Variants in HDAC9 observed in about 807,000 individuals in gnomAD.
HDAC9 encodes MEF-2 interacting transcription repressor (MITR) protein.
HDAC9 carries 41 observed loss-of-function variants against 139.4 expected under a neutral mutation model. That is an observed-to-expected ratio of 0.29 (90% CI 0.23 to 0.38). The LOEUF (loss-of-function observed/expected upper bound fraction) is 0.38, where lower values mean the gene tolerates loss of function less well. Among genes scored for constraint, HDAC9 ranks in the 10% least tolerant of loss-of-function variants. The pLI is 1.00. For missense variants in HDAC9, 1,147 were observed against 1,297.0 expected, an observed-to-expected ratio of 0.88 and a Z score of 1.78; for synonymous variants, 517 against 476.2, an observed-to-expected ratio of 1.09 and a Z score of -1.12.
chr7:18,412,238 T>C (rs932977718), intron 1 of HDAC9, among the ~76,000 whole-genome samples: 2 of 152,168 alleles, frequency 1.3e-5, no homozygotes, highest in African/African-American at 4.8e-5. Context: ...GGAGAAAATG[T>C]TATTTAAGAA....
chr7:18,467,163 T>G lies in HDAC9; in HGVS notation c.-41-29099T>G, dbSNP rs558616588. 2.0e-5 allele frequency among the ~76,000 whole-genome samples: 3 copies of G among 152,184 alleles called. No homozygotes were observed. The South Asian group carries it at 6.2e-4, about 32-fold the overall frequency. On this transcript the variant is annotated intron_variant, in intron 1 of 3. Coordinates refer to the HDAC9 transcript ENST00000413509. ...AATATCTCACCGTCTTCTTCCCTAC[T>G]CACACATTCCAAACTTACTGATCTT...
intron 2 of HDAC9, among the ~76,000 whole-genome samples, chr7:18,181,942 T>G (rs1789469489): frequency 6.6e-6 from 1 of 152,166 alleles, no homozygotes; most frequent in East Asian, 1.9e-4. Flanking sequence ...TGAGATCACA[T>G]CTGGCTCAAG....
At chr7:18,359,816 G>T (rs1585361715) in intron 1 of HDAC9, among the ~76,000 whole-genome samples, 1 of 152,082 alleles carries the variant, frequency 6.6e-6, no homozygotes, top group Non-Finnish European at 1.5e-5. Context: ...ACCATGTTGG[G>T]CAGGGTAGTC....
chr7:18,951,901 C>T (rs939980330), intron 23 of HDAC9, among the ~76,000 whole-genome samples: 3 of 151,658 alleles, frequency 2.0e-5, no homozygotes, highest in African/African-American at 7.3e-5. Flanking sequence ...TCTGTGGTCC[C>T]GCCATACAAG....
chr7:18,559,339 A>G (rs1035714081), intron 2 of HDAC9, among the ~76,000 whole-genome samples: 22 of 152,268 alleles, frequency 1.4e-4, no homozygotes, highest in South Asian at 4.2e-4. Context: ...AAGTGTGTTC[A>G]ATCACCTTCT....
intron 2 of HDAC9, among the ~76,000 whole-genome samples, chr7:18,166,487 C>A (rs1288492964): frequency 6.6e-6 from 1 of 152,176 alleles, no homozygotes; most frequent in Non-Finnish European, 1.5e-5. Flanking sequence ...TGCTAAACAG[C>A]TGAATTCCCC....
At chr7:18,901,121 AT>A (rs1406040932) in intron 22 of HDAC9, among the ~76,000 whole-genome samples, 2 of 151,404 alleles carry the variant, frequency 1.3e-5, no homozygotes, top group Admixed American at 1.3e-4. Flanking sequence ...TACTACAGAG[AT>A]TCCCAAAAAG....
chr7:18,851,389 C>G (rs187030814), intron 21 of HDAC9: 5 of 152,390 alleles, frequency 3.3e-5, no homozygotes, highest in African/African-American at 1.2e-4. Context: ...TCCTCCTTTG[C>G]TCTCTGTGTC....
At chr7:18,389,629 G>A (rs1208795148) in intron 1 of HDAC9, among the ~76,000 whole-genome samples, 1 of 152,160 alleles carries the variant, frequency 6.6e-6, no homozygotes, top group African/African-American at 2.4e-5. Context: ...AAACATTAGT[G>A]GCTGGCTTGT....
intron 2 of HDAC9, among the ~76,000 whole-genome samples, chr7:18,179,750 A>G (rs1789241741): frequency 6.6e-6 from 1 of 152,350 alleles, no homozygotes; most frequent in East Asian, 1.9e-4. Context: ...CCTGTCATCT[A>G]TCTTTTATTT....
At chr7:18,091,760 A>T (rs1486700169) in intron 1 of HDAC9, among the ~76,000 whole-genome samples, 1 of 152,198 alleles carries the variant, frequency 6.6e-6, no homozygotes, top group East Asian at 1.9e-4. Flanking sequence ...GAAAAGATCC[A>T]CTTTCAAGCT....
At chr7:18,328,236 TG>T (rs1307345584) in intron 1 of HDAC9, among the ~76,000 whole-genome samples, 1 of 151,988 alleles carries the variant, frequency 6.6e-6, no homozygotes, top group African/African-American at 2.4e-5. Context: ...CAGGGCTTTT[TG>T]CAACGTGGAA....
At chr7:18,097,546 A>G (rs1034683091) in intron 1 of HDAC9, among the ~76,000 whole-genome samples, 5 of 145,300 alleles carry the variant, frequency 3.4e-5, no homozygotes, top group Admixed American at 7.0e-5. Flanking sequence ...CTAATAAACC[A>G]TTTAAACTTG....
intron 2 of HDAC9, among the ~76,000 whole-genome samples, chr7:18,521,802 AC>A (rs1444293772): frequency 4.6e-5 from 7 of 152,202 alleles, no homozygotes; most frequent in African/African-American, 7.2e-5. Flanking sequence ...TTTTAAAAAA[AC>A]ATTCAATTAA....
rs1045755546 is a variant in HDAC9 at position 18,343,814 on chromosome 7, A to G, written c.-42+53299A>G. On this transcript the variant is annotated intron_variant, in intron 1 of 3. Coordinates refer to the HDAC9 transcript ENST00000413509. ...ATTTTCTTAGTAAATTCGCCTTTATATATGTATTTACTTCTAACAAAAAGA... is the reference window on the plus strand; with the variant it reads ...ATTTTCTTAGTAAATTCGCCTTTATGTATGTATTTACTTCTAACAAAAAGA... Among the ~76,000 whole-genome samples the G allele has an allele frequency of 8.6e-5, 13 of 151,852 alleles. 1 individual carries two copies. The highest frequency in any genetic ancestry group is 7.7e-4 in the East Asian group (4 of 5,180).
intron 1 of HDAC9, among the ~76,000 whole-genome samples, chr7:18,092,504 T>C (rs778041326): frequency 1.1e-4 from 17 of 152,106 alleles, no homozygotes; most frequent in Non-Finnish European, 1.9e-4. Context: ...GAATTTGTCC[T>C]GTGAGGTACT....
chr7:18,274,716 G>A (rs1009986949), intron 2 of HDAC9, among the ~76,000 whole-genome samples: 2 of 152,166 alleles, frequency 1.3e-5, no homozygotes, highest in East Asian at 3.8e-4. Flanking sequence ...TTGACATATT[G>A]TCATGGACAA....
intron 12 of HDAC9, among the ~76,000 whole-genome samples, chr7:18,687,067 T>A (rs1782326981): frequency 6.6e-6 from 1 of 151,812 alleles, no homozygotes; most frequent in Non-Finnish European, 1.5e-5. Context: ...TTTTTATAAT[T>A]GTTTAAAGTC....
At chr7:18,126,145 C>T (rs527871557) in intron 1 of HDAC9, among the ~76,000 whole-genome samples, 1 of 152,088 alleles carries the variant, frequency 6.6e-6, no homozygotes, top group Non-Finnish European at 1.5e-5. Flanking sequence ...GGTATTGATT[C>T]GCTTGTGTCC....
Sources: gnomAD v4.1 joint callset for allele counts (sites outside exome capture counted in the v4.1 genomes callset) on GRCh38, gnomAD v4.1.1 for gene constraint, MANE v1.5 for transcripts, NCBI Gene and HGNC (gene_info 2026-07-23, HGNC 2026-07-21) for gene names.